GRIK4: variants seen among roughly 807,000 people sequenced by gnomAD.
GRIK4 encodes glutamate ionotropic receptor kainate type subunit 4, also known as glutamate receptor ionotropic, kainate 4.
A neutral mutation model predicts 104.9 loss-of-function variants in GRIK4; 40 were observed. The observed-to-expected ratio is 0.38, with a 90% CI of 0.30 to 0.50. GRIK4 has a LOEUF of 0.50. Among genes scored for constraint, GRIK4 ranks in the 20% least tolerant of loss-of-function variants. The pLI, the probability that GRIK4 is intolerant of heterozygous loss-of-function variation, is 0.93. For missense variants in GRIK4, 1,047 were observed against 1,308.1 expected, an observed-to-expected ratio of 0.80 and a Z score of 3.08; for synonymous variants, 485 against 524.9, an observed-to-expected ratio of 0.92 and a Z score of 1.04.
chr11:120,962,921 T>C (rs946908223), intron 18 of GRIK4: 4 of 415,250 alleles, frequency 9.6e-6, no homozygotes, highest in Non-Finnish European at 1.7e-5. Flanking sequence ...TAGTTACTGA[T>C]TGATTAATTG....
At chr11:120,766,058 C>T (rs1378782121) in intron 3 of GRIK4, among the ~76,000 whole-genome samples, 1 of 152,212 alleles carries the variant, frequency 6.6e-6, no homozygotes, top group Non-Finnish European at 1.5e-5. Flanking sequence ...CCACAGCCGC[C>T]CCTTCCCCCA....
chr11:120,533,514 G>A (rs1325968230), intron 1 of GRIK4, among the ~76,000 whole-genome samples: 1 of 152,210 alleles, frequency 6.6e-6, no homozygotes, highest in Non-Finnish European at 1.5e-5. Flanking sequence ...GCCCAAGGAT[G>A]TTACACCAGG....
At chr11:120,857,905 G>C (rs1013033746) in intron 8 of GRIK4, among the ~76,000 whole-genome samples, 27 of 152,206 alleles carry the variant, frequency 1.8e-4, no homozygotes, top group African/African-American at 6.3e-4. Flanking sequence ...GCAACATGGG[G>C]TCCATCACAA....
chr11:120,978,903 C>T (rs993317928), intron 19 of GRIK4, among the ~76,000 whole-genome samples: 3 of 152,096 alleles, frequency 2.0e-5, no homozygotes, highest in Non-Finnish European at 2.9e-5. Context: ...CAAGTGCTAA[C>T]AAAGGTCATG....
At chr11:120,944,492 C>T (rs1943809226) in intron 14 of GRIK4, among the ~76,000 whole-genome samples, 1 of 152,202 alleles carries the variant, frequency 6.6e-6, no homozygotes, top group South Asian at 2.1e-4. Flanking sequence ...CCATATCAGG[C>T]AATGGAATTT....
At chr11:120,712,073 C>T (rs1259198214) in intron 3 of GRIK4, among the ~76,000 whole-genome samples, 2 of 152,234 alleles carry the variant, frequency 1.3e-5, no homozygotes, top group Non-Finnish European at 2.9e-5. Context: ...GCAGCTTACA[C>T]CCAGCAGGGA....
chr11:120,582,465 C>G (rs1948599439), intron 1 of GRIK4, among the ~76,000 whole-genome samples: 1 of 152,050 alleles, frequency 6.6e-6, no homozygotes, highest in Admixed American at 6.6e-5. Context: ...CTCCTCTCAC[C>G]CCCTGCCCTC....
At chr11:120,950,955 G>A (rs1220812026) in intron 14 of GRIK4, among the ~76,000 whole-genome samples, 1 of 152,202 alleles carries the variant, frequency 6.6e-6, no homozygotes, top group African/African-American at 2.4e-5. Context: ...ATACCTGAGT[G>A]TTGTATGCAG....
intron 1 of GRIK4, chr11:120,576,535 TC>T (rs1948486540): frequency 6.6e-6 from 1 of 152,334 alleles, no homozygotes; most frequent in Non-Finnish European, 1.5e-5. Context: ...CGCTTAGCTT[TC>T]TATGACCTGG....
intron 9 of GRIK4, among the ~76,000 whole-genome samples, chr11:120,865,746 C>A (rs928044827): frequency 3.9e-5 from 6 of 152,172 alleles, no homozygotes; most frequent in African/African-American, 1.4e-4. Flanking sequence ...AGTCTGAATA[C>A]CCGAATACAG....
chr11:120,593,487 C>A (rs1188637138), intron 1 of GRIK4, among the ~76,000 whole-genome samples: 1 of 152,176 alleles, frequency 6.6e-6, no homozygotes, highest in Non-Finnish European at 1.5e-5. Context: ...TCTCAACACT[C>A]CATTCCTCCT....
At chr11:120,983,663 C>G (rs1944689701) in intron 20 of GRIK4, among the ~76,000 whole-genome samples, 1 of 152,110 alleles carries the variant, frequency 6.6e-6, no homozygotes, top group Admixed American at 6.5e-5. Context: ...CAGGTGTTCC[C>G]TTCCTTGTGA....
At chr11:120,576,566 A>C (rs1701296163) in intron 1 of GRIK4, 1 of 152,436 alleles carries the variant, frequency 6.6e-6, no homozygotes, top group South Asian at 2.1e-4. Flanking sequence ...GGCCAAAGGT[A>C]AGGTGGGATG....
At chr11:120,710,708 G>T (rs986428727) in intron 3 of GRIK4, among the ~76,000 whole-genome samples, 9 of 152,342 alleles carry the variant, frequency 5.9e-5, no homozygotes, top group African/African-American at 2.2e-4. Flanking sequence ...AGGGCCTGGG[G>T]CTTGACCTTG....
chr11:120,849,078 G>A (rs1953917675), intron 8 of GRIK4, among the ~76,000 whole-genome samples: 1 of 152,094 alleles, frequency 6.6e-6, no homozygotes, highest in African/African-American at 2.4e-5. Context: ...GTCCCACGGG[G>A]CTCCCAGAGC....
chr11:120,593,181 C>CA (rs563165078), intron 1 of GRIK4, among the ~76,000 whole-genome samples: 36,412 of 102,006 alleles, frequency 0.36, 5,586 homozygotes, highest in Middle Eastern at 0.47. Context: ...GACTCTGTCT[C>CA]AAAAAAAAAA....
At chr11:120,966,323 A>T (rs1037658450) in intron 18 of GRIK4, among the ~76,000 whole-genome samples, 8 of 152,242 alleles carry the variant, frequency 5.3e-5, no homozygotes, top group African/African-American at 1.9e-4. Context: ...CTGGATAAAC[A>T]GTTGTCAGGT....
At chr11:120,564,976 C>CGCGGGGGT (rs1948298027) in intron 1 of GRIK4, among the ~76,000 whole-genome samples, 4 of 97,228 alleles carry the variant, frequency 4.1e-5, no homozygotes, top group Non-Finnish European at 8.2e-5. Flanking sequence ...CCGCCGGCTG[C>CGCGGGGGT]GGGGGGGTGG....
chr11:120,639,081 G>A (rs1192825524), intron 1 of GRIK4, among the ~76,000 whole-genome samples: 5 of 152,000 alleles, frequency 3.3e-5, no homozygotes, highest in East Asian at 2.0e-4. Context: ...GCCTGTAATC[G>A]CCCACTCAGG....
Sources: allele counts gnomAD v4.1 joint callset (sites outside exome capture counted in the v4.1 genomes callset), GRCh38; gene constraint gnomAD v4.1.1; transcripts MANE v1.5; gene names NCBI Gene and HGNC (gene_info 2026-07-23, HGNC 2026-07-21).